Variants in RIPOR2 observed in about 807,000 individuals in gnomAD.
RIPOR2 encodes RHO family interacting cell polarization regulator 2.
RIPOR2 carries 39 observed loss-of-function variants against 114.5 expected under a neutral mutation model. That is an observed-to-expected ratio of 0.34 (90% CI 0.26 to 0.44). The LOEUF is 0.44. RIPOR2 is among the 20% of genes least tolerant of loss of function. The probability of loss-of-function intolerance (pLI) is 1.00; values close to 1 mark genes in which losing one functional copy is unlikely to be tolerated. For missense variants in RIPOR2, 1,007 were observed against 1,255.1 expected (o/e 0.80, Z 2.99); for synonymous variants, 445 against 484.4 (o/e 0.92, Z 1.07).
chr6:25,040,016 T>C (rs771823678), intron 1 of RIPOR2, among the ~76,000 whole-genome samples: 1 of 152,228 alleles, frequency 6.6e-6, no homozygotes, highest in African/African-American at 2.4e-5. Context: ...CACTCATTCA[T>C]CTTAATTTAA....
intron 9 of RIPOR2, among the ~76,000 whole-genome samples, 159 bp from the exon 10 acceptor site, chr6:24,850,881 G>T (rs1397632145): frequency 6.6e-6 from 1 of 150,902 alleles, no homozygotes; most frequent in Non-Finnish European, 1.5e-5. Context: ...TGGAGCTGGG[G>T]ATGAGTGGGG....
intron 19 of RIPOR2, among the ~76,000 whole-genome samples, chr6:24,820,919 C>G (rs540866085): frequency 1.6e-4 from 20 of 127,288 alleles, no homozygotes; most frequent in Non-Finnish European, 3.1e-5. Flanking sequence ...GTAACCCAGG[C>G]TGGAGTACAG....
At chr6:24,831,417 T>C (rs1310945214) in intron 16 of RIPOR2, among the ~76,000 whole-genome samples, 1 of 152,116 alleles carries the variant, frequency 6.6e-6, no homozygotes, top group Non-Finnish European at 1.5e-5. Flanking sequence ...GCCCAGGTGG[T>C]TCCCTGACTG....
chr6:24,841,287 A>G (rs1374086324), intron 13 of RIPOR2, among the ~76,000 whole-genome samples: 3 of 152,194 alleles, frequency 2.0e-5, no homozygotes, highest in Non-Finnish European at 4.4e-5. Flanking sequence ...AAGCTGGTCA[A>G]CTTTGCAGAA....
At chr6:24,914,214 T>C (rs1769899153) in intron 1 of RIPOR2, among the ~76,000 whole-genome samples, 1 of 152,090 alleles carries the variant, frequency 6.6e-6, no homozygotes, top group Admixed American at 6.6e-5. Flanking sequence ...CAGGTGCCTG[T>C]AATCCCAGCT....
intron 1 of RIPOR2, among the ~76,000 whole-genome samples, chr6:24,973,431 G>A (rs996306475): frequency 1.9e-4 from 29 of 151,924 alleles, no homozygotes; most frequent in African/African-American, 6.5e-4. Context: ...TGAAACCCCC[G>A]TTTCTACTAA....
At chr6:24,890,138 ACCCGC>A (rs1418596644) in intron 1 of RIPOR2, among the ~76,000 whole-genome samples, 1 of 151,854 alleles carries the variant, frequency 6.6e-6, no homozygotes, top group Non-Finnish European at 1.5e-5. Flanking sequence ...CAGGAGATCC[ACCCGC>A]CTCAGCCTCC....
chr6:24,993,841 A>T (rs1437742227), intron 1 of RIPOR2, among the ~76,000 whole-genome samples: 1 of 152,244 alleles, frequency 6.6e-6, no homozygotes. Flanking sequence ...CACAAATTGC[A>T]TATCCCCCAA....
chr6:24,838,470 GT>G (rs1184355559), intron 14 of RIPOR2, among the ~76,000 whole-genome samples: 1 of 152,122 alleles, frequency 6.6e-6, no homozygotes, highest in African/African-American at 2.4e-5. Context: ...ATTACATGGG[GT>G]CAAGTTGTAG....
intron 17 of RIPOR2, 66 bp from the exon 18 acceptor site, chr6:24,828,361 A>AT: frequency 1.0e-6 from 1 of 988,846 alleles, no homozygotes; most frequent in Non-Finnish European, 1.3e-6. Flanking sequence ...CATTCATTCA[A>AT]TAATTTTTAT....
intron 1 of RIPOR2, among the ~76,000 whole-genome samples, chr6:24,964,147 CTGTG>C (rs70974955): frequency 0.29 from 42,988 of 146,560 alleles, 6,892 homozygotes; most frequent in Non-Finnish European, 0.38. Context: ...GACATTGGCT[CTGTG>C]TGTGTGTGTG....
intron 5 of RIPOR2, among the ~76,000 whole-genome samples, chr6:24,869,377 G>C (rs1176250511): frequency 6.7e-6 from 1 of 150,072 alleles, no homozygotes; most frequent in Non-Finnish European, 1.5e-5. Context: ...GAGCACAATG[G>C]CACAATCTGA....
intron 4 of RIPOR2, 77 bp from the exon 5 acceptor site, chr6:24,870,966 C>G (rs982555772): frequency 2.3e-6 from 2 of 887,994 alleles, no homozygotes; most frequent in Non-Finnish European, 3.4e-6. Flanking sequence ...ATGATTTAGC[C>G]CACATTTGCA....
intron 15 of RIPOR2, among the ~76,000 whole-genome samples, chr6:24,834,387 C>G (rs1760004453): frequency 6.6e-6 from 1 of 152,132 alleles, no homozygotes; most frequent in Non-Finnish European, 1.5e-5. Context: ...CACCCTGACT[C>G]TTGTCTTCCA....
intron 1 of RIPOR2, among the ~76,000 whole-genome samples, chr6:24,949,878 T>A (rs1200785779): frequency 6.6e-6 from 1 of 152,230 alleles, no homozygotes; most frequent in East Asian, 1.9e-4. Flanking sequence ...GGTGAATTAT[T>A]TTCTTATGAA....
chr6:25,031,848 A>T (rs1776999032), intron 1 of RIPOR2, among the ~76,000 whole-genome samples: 1 of 146,138 alleles, frequency 6.8e-6, no homozygotes. Flanking sequence ...AAAAGGTTAT[A>T]TATATATTTA....
intron 8 of RIPOR2, among the ~76,000 whole-genome samples, chr6:24,856,898 G>GT (rs996888824): frequency 6.6e-6 from 1 of 151,808 alleles, no homozygotes; most frequent in Admixed American, 6.6e-5. Context: ...CTTTGAAGGT[G>GT]TTTTTCCCCC....
intron 1 of RIPOR2, among the ~76,000 whole-genome samples, chr6:25,019,047 G>A (rs898454397): frequency 6.6e-6 from 1 of 152,134 alleles, no homozygotes; most frequent in African/African-American, 2.4e-5. Context: ...GAACAAATAT[G>A]TGATCAATCT....
At position 24,954,127 on chromosome 6, in the gene RIPOR2, G is replaced by A. The variant is rs1006516243; in HGVS notation, c.77-78310C>T. On this transcript the variant is annotated intron_variant, in intron 1 of 13. Coordinates refer to the RIPOR2 transcript ENST00000510784. ...ATGGCAGCCCAAGCATACTAATACA[G>A]AGCCCTAAATAAAATTACCTGGAGG... is the stretch of plus-strand genomic sequence containing the variant. Among the ~76,000 whole-genome samples the A allele has an allele frequency of 2.0e-5, 3 of 152,270 alleles. No individual in the cohort carries two copies. In the South Asian group the frequency reaches 6.2e-4, roughly 32 times the overall value.
Sources: gnomAD v4.1 joint callset for allele counts (sites outside exome capture counted in the v4.1 genomes callset) on GRCh38, gnomAD v4.1.1 for gene constraint, MANE v1.5 for transcripts, NCBI Gene and HGNC (gene_info 2026-07-23, HGNC 2026-07-21) for gene names.